Variants in ZBTB7C observed in about 807,000 individuals in gnomAD.
ZBTB7C encodes zinc finger and BTB domain-containing protein 7C.
A neutral mutation model predicts 25.7 loss-of-function variants in ZBTB7C; 8 were observed. That is an observed-to-expected ratio of 0.31 (90% CI 0.18 to 0.56). The LOEUF is 0.56. Ranked by LOEUF, ZBTB7C falls within the 20% of genes least tolerant of loss-of-function variation. ZBTB7C has a pLI of 0.91. For missense variants in ZBTB7C, 824 were observed against 855.2 expected (o/e 0.96, Z 0.46); for synonymous variants, 394 against 369.0 (o/e 1.07, Z -0.78).
chr18:48,298,271 C>T (rs1474458073), intron 2 of ZBTB7C, among the ~76,000 whole-genome samples: 44 of 135,106 alleles, frequency 3.3e-4, no homozygotes, highest in South Asian at 1.4e-3. Context: ...TGGAGCGAGA[C>T]TCTGTCTCAA....
intron 2 of ZBTB7C, among the ~76,000 whole-genome samples, chr18:48,237,469 A>G (rs1222513885): frequency 6.6e-6 from 1 of 152,162 alleles, no homozygotes; most frequent in Non-Finnish European, 1.5e-5. Flanking sequence ...AGGCCAATAA[A>G]TATAAGAAAA....
At chr18:48,150,978 C>T (rs535838855) in intron 3 of ZBTB7C, 2 of 152,328 alleles carry the variant, frequency 1.3e-5, no homozygotes, top group Admixed American at 1.3e-4. Flanking sequence ...GGCCCCAGCT[C>T]AGAGCCACTG....
chr18:48,333,299 GAT>G (rs1311605137), intron 2 of ZBTB7C, among the ~76,000 whole-genome samples: 1 of 152,184 alleles, frequency 6.6e-6, no homozygotes, highest in Non-Finnish European at 1.5e-5. Flanking sequence ...AAGCAATAAA[GAT>G]ACTAATTTTA....
At chr18:48,047,040 G>C (rs1019706888) in intron 3 of ZBTB7C, among the ~76,000 whole-genome samples, 2 of 152,208 alleles carry the variant, frequency 1.3e-5, no homozygotes, top group Non-Finnish European at 2.9e-5. Flanking sequence ...GCTCAAGGCT[G>C]TTTTTCCAGG....
At chr18:48,080,564 C>T (rs2037943083) in intron 3 of ZBTB7C, among the ~76,000 whole-genome samples, 2 of 152,228 alleles carry the variant, frequency 1.3e-5, no homozygotes, top group Admixed American at 1.3e-4. Context: ...CTGTGGGCCT[C>T]TGTTTCTGCA....
chr18:48,247,492 T>C (rs968340151), intron 2 of ZBTB7C, among the ~76,000 whole-genome samples: 2 of 152,256 alleles, frequency 1.3e-5, no homozygotes, highest in Admixed American at 6.5e-5. Flanking sequence ...GTCTGTTTCA[T>C]GCCCTCTCAA....
intron 3 of ZBTB7C, among the ~76,000 whole-genome samples, chr18:48,047,707 G>A (rs1389131592): frequency 6.6e-6 from 1 of 152,142 alleles, no homozygotes; most frequent in Non-Finnish European, 1.5e-5. Flanking sequence ...TGTCCTCTCA[G>A]AGAGAGACTG....
At chr18:48,364,606 T>C (rs146342779) in intron 1 of ZBTB7C, among the ~76,000 whole-genome samples, 204 of 152,304 alleles carry the variant, frequency 1.3e-3, no homozygotes, top group Non-Finnish European at 2.2e-3. Flanking sequence ...TGAGGTCAGA[T>C]TGATGGGGCT....
intron 3 of ZBTB7C, among the ~76,000 whole-genome samples, chr18:48,106,409 G>C (rs2039028997): frequency 6.6e-6 from 1 of 151,834 alleles, no homozygotes; most frequent in African/African-American, 2.4e-5. Flanking sequence ...TACAGGCTAG[G>C]GGCAGCTGTA....
chr18:48,177,326 T>C (rs927093133), intron 3 of ZBTB7C, among the ~76,000 whole-genome samples: 4 of 152,184 alleles, frequency 2.6e-5, no homozygotes, highest in South Asian at 2.1e-4. Flanking sequence ...CCTTTCCTTT[T>C]GGCTGGCACT....
intron 3 of ZBTB7C, among the ~76,000 whole-genome samples, chr18:48,087,419 T>C (rs2038231613): frequency 6.6e-6 from 1 of 152,228 alleles, no homozygotes; most frequent in Non-Finnish European, 1.5e-5. Flanking sequence ...CTTATGCTCA[T>C]TACTCTCCCA....
intron 3 of ZBTB7C, chr18:48,162,412 T>C (rs1447463102): frequency 2.2e-6 from 1 of 456,626 alleles, no homozygotes; most frequent in Non-Finnish European, 4.4e-6. Flanking sequence ...AAAATTGAGA[T>C]AGTAATAGTA....
At chr18:48,043,089 C>T (rs530999455) in intron 3 of ZBTB7C, among the ~76,000 whole-genome samples, 3 of 152,098 alleles carry the variant, frequency 2.0e-5, no homozygotes, top group Admixed American at 6.5e-5. Flanking sequence ...CTGATAACAC[C>T]GAATGCTGGT....
chr18:48,239,861 G>A (rs2144348648), intron 2 of ZBTB7C, among the ~76,000 whole-genome samples: 1 of 152,148 alleles, frequency 6.6e-6, no homozygotes, highest in East Asian at 1.9e-4. Flanking sequence ...TCCAAACCAA[G>A]AAGAAATCTC....
At chr18:48,347,947 C>T (rs1453727566) in intron 1 of ZBTB7C, among the ~76,000 whole-genome samples, 1 of 152,220 alleles carries the variant, frequency 6.6e-6, no homozygotes, top group Non-Finnish European at 1.5e-5. Context: ...GCTGAGGAGG[C>T]CTGGAAGGCA....
chr18:48,393,422 C>A (rs2047949148), intron 1 of ZBTB7C, among the ~76,000 whole-genome samples: 1 of 151,994 alleles, frequency 6.6e-6, no homozygotes, highest in Admixed American at 6.5e-5. Flanking sequence ...TCACCAACAC[C>A]CTCTCTCCCT....
chr18:48,387,978 C>G lies in ZBTB7C; in HGVS notation c.-304+21248G>C, dbSNP rs552956736. On this transcript the variant is annotated intron_variant, in intron 1 of 4. Coordinates refer to ENST00000590800, the MANE Select transcript of ZBTB7C (RefSeq NM_001318841.2). Reference sequence around the variant, plus strand: ...AGTACCTTGGATTACAGACACCCACCACCACACCCAGCTAATTTTTGTAGT... The same window carrying G: ...AGTACCTTGGATTACAGACACCCACGACCACACCCAGCTAATTTTTGTAGT... Among the ~76,000 whole-genome samples the G allele has an allele frequency of 2.6e-5, 4 of 152,250 alleles. No homozygotes were observed. In the East Asian group the frequency reaches 7.7e-4, roughly 29 times the overall value.
chr18:48,089,920 G>T (rs889801030), intron 3 of ZBTB7C, among the ~76,000 whole-genome samples: 1 of 152,212 alleles, frequency 6.6e-6, no homozygotes, highest in Admixed American at 6.5e-5. Context: ...GGTTGACACT[G>T]GCCCTTCATA....
chr18:48,068,048 C>T (rs1355205355), intron 3 of ZBTB7C, among the ~76,000 whole-genome samples: 1 of 152,090 alleles, frequency 6.6e-6, no homozygotes, highest in Non-Finnish European at 1.5e-5. Context: ...TTCCACTCTC[C>T]ATCCTATTGG....
Sources: gnomAD v4.1 joint callset for allele counts (sites outside exome capture counted in the v4.1 genomes callset) on GRCh38, gnomAD v4.1.1 for gene constraint, MANE v1.5 for transcripts, NCBI Gene and HGNC (gene_info 2026-07-23, HGNC 2026-07-21) for gene names.